GLIS3: variants seen among roughly 807,000 people sequenced by gnomAD.
GLIS3 encodes zinc finger protein GLIS3.
Under a neutral mutation model 78.6 loss-of-function variants are expected in GLIS3, and 53 were observed. That is an observed-to-expected ratio of 0.67 (90% CI 0.54 to 0.85). GLIS3 has a LOEUF of 0.85. Ranked by LOEUF, GLIS3 falls within the 40% of genes least tolerant of loss-of-function variation. The pLI is 0.00. For missense variants in GLIS3, 1,703 were observed against 1,231.1 expected (o/e 1.38, Z -5.74); for synonymous variants, 684 against 509.9 (o/e 1.34, Z -4.60).
chr9:4,467,624 A>G, the GLIS3 span, among the ~76,000 whole-genome samples: 1 of 152,224 alleles, frequency 6.6e-6, no homozygotes, highest in Admixed American at 6.5e-5. Flanking sequence ...CCAAAACCCC[A>G]TCTGTACATC....
the GLIS3 span, among the ~76,000 whole-genome samples, chr9:4,370,100 G>T: frequency 7.0e-6 from 1 of 143,342 alleles, no homozygotes; most frequent in Non-Finnish European, 1.5e-5. Context: ...GCTGAGGCAG[G>T]AGAATCACTT....
chr9:4,105,052 A>G (rs1169723583), intron 4 of GLIS3, among the ~76,000 whole-genome samples: 1 of 152,246 alleles, frequency 6.6e-6, no homozygotes, highest in Non-Finnish European at 1.5e-5. Context: ...CCAAATATTT[A>G]AAGATCTAAA....
intron 4 of GLIS3, among the ~76,000 whole-genome samples, chr9:4,005,563 A>G (rs1821475368): frequency 6.6e-6 from 1 of 152,200 alleles, no homozygotes; most frequent in South Asian, 2.1e-4. Context: ...TTGATCATCA[A>G]TAAAGTGGGG....
intron 2 of GLIS3, among the ~76,000 whole-genome samples, chr9:4,341,646 C>G (rs1373289308): frequency 1.3e-5 from 2 of 152,108 alleles, no homozygotes; most frequent in African/African-American, 4.8e-5. Context: ...ATTTGAAAAC[C>G]AATAGAAAAA....
At chr9:4,356,738 C>G in the GLIS3 span, among the ~76,000 whole-genome samples, 1 of 152,146 alleles carries the variant, frequency 6.6e-6, no homozygotes, top group Admixed American at 6.5e-5. Flanking sequence ...AGATCATCAA[C>G]AATGAATTTG....
chr9:4,368,133 T>C, the GLIS3 span, among the ~76,000 whole-genome samples: 2 of 152,228 alleles, frequency 1.3e-5, no homozygotes, highest in African/African-American at 4.8e-5. Context: ...TGAATAATCC[T>C]AAAATCACTT....
chr9:4,168,286 G>GT (rs896774912), intron 2 of GLIS3, among the ~76,000 whole-genome samples: 1 of 151,856 alleles, frequency 6.6e-6, no homozygotes, highest in Non-Finnish European at 1.5e-5. Context: ...AAAATAAAGG[G>GT]TTTTTTTCCT....
intron 4 of GLIS3, among the ~76,000 whole-genome samples, chr9:4,089,324 C>T (rs914319957): frequency 1.3e-5 from 2 of 151,786 alleles, no homozygotes; most frequent in Non-Finnish European, 2.9e-5. Flanking sequence ...TCTAAACAGT[C>T]TCATCTTGAA....
chr9:4,483,278 T>C, the GLIS3 span, among the ~76,000 whole-genome samples: 40 of 152,192 alleles, frequency 2.6e-4, 1 homozygote, highest in Non-Finnish European at 5.0e-4. Flanking sequence ...CCGCGTGAAA[T>C]GTATTTAGTG....
the GLIS3 span, among the ~76,000 whole-genome samples, chr9:4,470,467 T>G: frequency 6.6e-6 from 1 of 152,312 alleles, no homozygotes; most frequent in East Asian, 1.9e-4. Context: ...AATCAATAAA[T>G]GTAATCCAGC....
chr9:4,035,094 C>T (rs1824193844), intron 4 of GLIS3: 1 of 152,142 alleles, frequency 6.6e-6, no homozygotes, highest in African/African-American at 2.4e-5. Flanking sequence ...CAACACTAGT[C>T]TAAAAGTACT....
In GLIS3 at chr9:4,121,003, T is replaced by A. The variant is rs1367231984; in HGVS notation, c.597-2122A>T. ...CTGCACATAAAGCCATGCAGGCACA[T>A]TATATAACTTTTTGGGCATCTGAGT... On this transcript the variant is annotated intron_variant, in intron 3 of 10. Transcript: ENST00000381971. Among the ~76,000 whole-genome samples, 5 of 152,360 alleles carry A rather than the reference T, an allele frequency of 3.3e-5. No homozygotes were observed. In the East Asian group the frequency reaches 9.6e-4, roughly 29 times the overall value.
At position 3,907,654 on chromosome 9, in the gene GLIS3, AC is replaced by A. The variant is rs557699935; in HGVS notation, c.1984-8820del. ...CACACACACACACACACACACACAC[AC>A]TACTAAACAGTGCTCCTTTGCCTCA... is the stretch of plus-strand genomic sequence containing the variant. On this transcript the variant is annotated intron_variant, in intron 6 of 10. Coordinates refer to ENST00000381971, the MANE Select transcript of GLIS3 (RefSeq NM_001042413.2). Among the ~76,000 whole-genome samples the A allele has an allele frequency of 7.6e-3, 1,117 of 147,832 alleles. 13 individuals carry two copies. The highest frequency in any genetic ancestry group is 0.027 in the African/African-American group (1,036 of 38,778).
intron 2 of GLIS3, among the ~76,000 whole-genome samples, chr9:4,234,947 G>A (rs1423458837): frequency 6.6e-6 from 1 of 152,126 alleles, no homozygotes; most frequent in Non-Finnish European, 1.5e-5. Flanking sequence ...TACACTCCAT[G>A]GCATCAGTCC....
intron 3 of GLIS3, among the ~76,000 whole-genome samples, chr9:4,119,789 A>G (rs1485873311): frequency 6.6e-6 from 1 of 152,242 alleles, no homozygotes; most frequent in Non-Finnish European, 1.5e-5. Context: ...CTGCATATCA[A>G]AATGGTTCAT....
intron 4 of GLIS3, among the ~76,000 whole-genome samples, chr9:3,961,974 G>A (rs1199270180): frequency 1.3e-5 from 2 of 152,180 alleles, no homozygotes; most frequent in Non-Finnish European, 1.5e-5. Flanking sequence ...GGAGGCCGAG[G>A]CAGGCGGATT....
At chr9:4,384,530 T>C in the GLIS3 span, among the ~76,000 whole-genome samples, 1 of 146,554 alleles carries the variant, frequency 6.8e-6, no homozygotes. Flanking sequence ...TTTTCTTCCT[T>C]ACTTCTTTCC....
At chr9:3,858,643 GA>G (rs2130263898) in intron 8 of GLIS3, among the ~76,000 whole-genome samples, 1 of 152,032 alleles carries the variant, frequency 6.6e-6, no homozygotes, top group African/African-American at 2.4e-5. Flanking sequence ...AGTATTAATA[GA>G]AATTTAAATA....
At chr9:4,251,428 T>A (rs7019087) in intron 2 of GLIS3, among the ~76,000 whole-genome samples, 2 of 26,622 alleles carry the variant, frequency 7.5e-5, no homozygotes, top group East Asian at 1.2e-3. Flanking sequence ...AGGATTGCAA[T>A]CTTTTTTTTT....
Sources: allele counts gnomAD v4.1 joint callset (sites outside exome capture counted in the v4.1 genomes callset), GRCh38; gene constraint gnomAD v4.1.1; transcripts MANE v1.5; gene names NCBI Gene and HGNC (gene_info 2026-07-23, HGNC 2026-07-21).